ABI3BP: variants seen among roughly 807,000 people sequenced by gnomAD.
ABI3BP encodes ABI family member 3 binding protein, also known as target of Nesh-SH3.
Under a neutral mutation model 268.6 loss-of-function variants are expected in ABI3BP, and 216 were observed. The observed-to-expected ratio is 0.80, with a 90% CI of 0.72 to 0.90. The LOEUF is 0.90. ABI3BP is among the 40% of genes least tolerant of loss of function. The probability of loss-of-function intolerance (pLI) is 0.00; values close to 1 mark genes in which losing one functional copy is unlikely to be tolerated. For synonymous variants in ABI3BP, 730 were observed against 730.0 expected, an observed-to-expected ratio of 1.00 and a Z score of 0.00; for missense variants, 2,090 against 2,182.4, an observed-to-expected ratio of 0.96 and a Z score of 0.84.
chr3:100,778,254 C>T (rs9877951), intron 59 of ABI3BP, 30 bp downstream of exon 59: 208,409 of 1,594,000 alleles, frequency 0.13, 14,369 homozygotes, highest in Middle Eastern at 0.15. Context: ...GAAATCATGG[C>T]GGGAAAAGGA....
At position 100,850,025 on chromosome 3, in the gene ABI3BP, A is replaced by G. The variant is rs2098820229; in HGVS notation, c.1501+20T>C. On this transcript the variant is annotated intron_variant, in intron 17 of 67. Coordinates refer to ENST00000471714, the MANE Select transcript of ABI3BP (RefSeq NM_001375547.2). ...CTGTTTCGTCAATGCATACATAACT[A>G]CATAAATGTCATTAGTTACCAGGTG... 1 of 1,602,150 alleles carries G rather than the reference A, an allele frequency of 6.2e-7. No individual in the cohort carries two copies. The highest frequency in any genetic ancestry group is 1.1e-5 in the South Asian group (1 of 89,262).
chr3:100,759,749 T>A (rs746954006), intron 63 of ABI3BP, among the ~76,000 whole-genome samples: 2 of 152,188 alleles, frequency 1.3e-5, no homozygotes, highest in Non-Finnish European at 2.9e-5. Context: ...TTCTGCCCCA[T>A]GAAAAGTTGT....
intron 64 of ABI3BP, 135 bp from the exon 65 acceptor site, chr3:100,753,983 G>T: frequency 1.1e-6 from 1 of 920,324 alleles, no homozygotes; most frequent in Non-Finnish European, 1.7e-6. Context: ...GCTAAGGATT[G>T]AATTTGAAAG....
chr3:100,875,386 GA>G, intron 8 of ABI3BP, 121 bp downstream of exon 8: 1 of 737,140 alleles, frequency 1.4e-6, no homozygotes, highest in Non-Finnish European at 2.4e-6. Flanking sequence ...GCTAAACAGT[GA>G]AAGGAAGTGA....
At chr3:100,872,783 A>G (rs1157646149) in intron 9 of ABI3BP, among the ~76,000 whole-genome samples, 3 of 152,198 alleles carry the variant, frequency 2.0e-5, no homozygotes, top group Non-Finnish European at 4.4e-5. Flanking sequence ...ACAGGGTTTT[A>G]TAGTTAAAGG....
chr3:100,874,689 A>C (rs980088300), intron 9 of ABI3BP, among the ~76,000 whole-genome samples, 152 bp downstream of exon 9: 1 of 152,198 alleles, frequency 6.6e-6, no homozygotes, highest in Admixed American at 6.5e-5. Context: ...GTTATTTATA[A>C]TGAATACCTC....
At chr3:100,816,409 T>A (rs1329773306) in intron 43 of ABI3BP, 6 of 549,382 alleles carry the variant, frequency 1.1e-5, no homozygotes, top group Non-Finnish European at 2.0e-5. Context: ...TAAATACCCA[T>A]GAGTATGCTA....
Position 100,780,155 on chromosome 3 carries a change from G to A in ABI3BP, c.4217C>T (p.Ser1406Phe), listed in dbSNP as rs764957047. 2 of 1,613,018 alleles carry A rather than the reference G, an allele frequency of 1.2e-6. No individual in the cohort carries two copies. Among genetic ancestry groups the A allele is most frequent in the Non-Finnish European group, 1.7e-6 (2 of 1,179,232 alleles). ...ACCTGGCTTTTTAGTGGGGTGGGTA[G>A]AGTCCACTGATACATTTCTATCAGC... ...SGADRNVSVD[S>F]THPTKKPGTR... is the part of the protein sequence containing the mutation. The change falls in exon 58 of 68, where the codon TCT becomes TTT. Residue 1406 changes from serine to phenylalanine, a missense_variant. By Grantham distance (155) the Ser-to-Phe change is radical. Transcript: ENST00000471714.
chr3:100,773,598 T>G (rs2096616933), intron 61 of ABI3BP, among the ~76,000 whole-genome samples: 1 of 152,194 alleles, frequency 6.6e-6, no homozygotes, highest in African/African-American at 2.4e-5. Flanking sequence ...TTCCTAGGTA[T>G]TTGTCCAAAG....
chr3:100,920,240 A>G (rs994775392), intron 2 of ABI3BP, among the ~76,000 whole-genome samples: 3 of 152,136 alleles, frequency 2.0e-5, no homozygotes, highest in Non-Finnish European at 2.9e-5. Context: ...CAACCTAGGC[A>G]CTAACCTCTT....
chr3:100,810,553 G>T, intron 48 of ABI3BP, 76 bp from the exon 49 acceptor site: 2 of 1,007,270 alleles, frequency 2.0e-6, no homozygotes, highest in Non-Finnish European at 2.9e-6. Context: ...AGACAGGATG[G>T]TAACAAATAG....
intron 1 of ABI3BP, among the ~76,000 whole-genome samples, chr3:100,943,670 T>C (rs1296889914): frequency 6.6e-6 from 1 of 152,144 alleles, no homozygotes; most frequent in Non-Finnish European, 1.5e-5. Context: ...TAGTCTTTCA[T>C]GTAAGGTCTC....
intron 4 of ABI3BP, among the ~76,000 whole-genome samples, chr3:100,888,724 G>T (rs576090847): frequency 8.9e-4 from 135 of 152,072 alleles, no homozygotes; most frequent in Non-Finnish European, 1.6e-3. Context: ...TAGGCATTTT[G>T]CCCTTCTTCT....
In ABI3BP at chr3:100,876,523, A is replaced by G. The variant is rs1349791985; in HGVS notation, c.734T>C (p.Ile245Thr). 2 of 1,613,050 alleles carry G rather than the reference A, an allele frequency of 1.2e-6. No individual in the cohort carries two copies. The highest frequency in any genetic ancestry group is 1.7e-6 in the Non-Finnish European group (2 of 1,179,402). The change falls in exon 7 of 68, where the codon ATC (isoleucine) becomes ACC (threonine). Residue 245 changes from isoleucine (I) to threonine (T), a missense_variant. Transcript: ENST00000471714. Reference protein sequence around the residue: ...YVPRKLIPITIIKQVIQNVTH... With the variant: ...YVPRKLIPITTIKQVIQNVTH... ...AGCAGACAAATTACCTTGCTTGATGATTGTTATTGGGATTAGTTTCCTTGG... is the reference window on the plus strand; with the variant it reads ...AGCAGACAAATTACCTTGCTTGATGGTTGTTATTGGGATTAGTTTCCTTGG...
intron 1 of ABI3BP, among the ~76,000 whole-genome samples, chr3:100,927,110 G>C (rs1299327610): frequency 6.6e-6 from 1 of 152,126 alleles, no homozygotes; most frequent in Admixed American, 6.6e-5. Context: ...TGGGGGTCGA[G>C]ACCCATCTGG....
rs143964464 is a variant in ABI3BP at position 100,858,099 on chromosome 3, C to T, written c.1285+4212G>A. 4.3e-3 allele frequency among the ~76,000 whole-genome samples: 650 copies of T among 152,300 alleles called. 7 individuals carry two copies. The highest frequency in any genetic ancestry group is 0.015 in the African/African-American group (613 of 41,562). On this transcript the variant is annotated intron_variant, in intron 14 of 67. Transcript: ENST00000471714. ...AGACTGACTTTTTGTGAAATATTGT[C>T]ACAAGCAGTTAAGTTCTAAAGTGTG...
intron 9 of ABI3BP, among the ~76,000 whole-genome samples, chr3:100,869,908 T>C (rs2099093670): frequency 6.6e-6 from 1 of 152,078 alleles, no homozygotes; most frequent in Non-Finnish European, 1.5e-5. Flanking sequence ...AGGCCAAGTC[T>C]TGACTTTGGC....
chr3:100,811,601 A>G, intron 47 of ABI3BP, 127 bp downstream of exon 47: 1 of 903,666 alleles, frequency 1.1e-6, no homozygotes, highest in South Asian at 1.7e-5. Flanking sequence ...TGGAAGCTGT[A>G]GCTCCTTCAA....
chr3:100,829,469 A>G, intron 33 of ABI3BP, 112 bp downstream of exon 33: 1 of 969,344 alleles, frequency 1.0e-6, no homozygotes, highest in Non-Finnish European at 1.5e-6. Context: ...CCTGTTCCTC[A>G]TTGCCTAGTC....
Sources: gnomAD v4.1 joint callset for allele counts (sites outside exome capture counted in the v4.1 genomes callset) on GRCh38, gnomAD v4.1.1 for gene constraint, MANE v1.5 for transcripts, NCBI Gene and HGNC (gene_info 2026-07-23, HGNC 2026-07-21) for gene names.